The following ATP9B variants were observed in gnomAD, a reference collection of about 807,000 sequenced individuals.
ATP9B encodes probable phospholipid-transporting ATPase IIB.
Under a neutral mutation model 146.1 loss-of-function variants are expected in ATP9B, and 110 were observed. That is an observed-to-expected ratio of 0.75 (90% confidence interval 0.65 to 0.88). The LOEUF is 0.88. ATP9B is among the 40% of genes least tolerant of loss of function. The pLI, the probability that ATP9B is intolerant of heterozygous loss-of-function variation, is 0.00. For synonymous variants in ATP9B, 604 were observed against 569.7 expected (o/e 1.06, Z -0.86); for missense variants, 1,499 against 1,496.4 (o/e 1.00, Z -0.03).
chr18:79,250,447 T>G (rs1388640034), intron 11 of ATP9B, among the ~76,000 whole-genome samples: 2 of 150,888 alleles, frequency 1.3e-5, no homozygotes, highest in African/African-American at 4.8e-5. Context: ...TAATTGAGTC[T>G]TTTTTCCCTG....
chr18:79,190,531 CACACACACACACACATAT>C (rs1336982938), intron 8 of ATP9B, among the ~76,000 whole-genome samples: 12 of 139,180 alleles, frequency 8.6e-5, no homozygotes, highest in African/African-American at 1.6e-4. Context: ...CACACACACA[CACACACACACACACATAT>C]ACATATATTT....
intron 1 of ATP9B, among the ~76,000 whole-genome samples, chr18:79,095,448 C>T (rs546746755): frequency 3.9e-5 from 6 of 152,308 alleles, no homozygotes; most frequent in Admixed American, 6.5e-5. Flanking sequence ...CCAGACTGGA[C>T]TCTGGACCTG....
In ATP9B at chr18:79,118,084, C is replaced by G. The variant is rs1404718519; in HGVS notation, c.558+4730C>G. ...AGTGTTTCATTGTATAAATATACCA[C>G]AACTGATTCATCCCTTCCTTTGGGA... On this transcript the variant is annotated intron_variant, in intron 4 of 29. Coordinates refer to ENST00000426216, the MANE Select transcript of ATP9B (RefSeq NM_198531.5). Among the ~76,000 whole-genome samples, 3 of 152,138 alleles carry G rather than the reference C, an allele frequency of 2.0e-5. No homozygotes were observed. The East Asian group carries it at 5.8e-4, about 29-fold the overall frequency.
At chr18:79,228,720 CAAAGT>C (rs1300639177) in intron 11 of ATP9B, among the ~76,000 whole-genome samples, 1 of 152,112 alleles carries the variant, frequency 6.6e-6, no homozygotes, top group Non-Finnish European at 1.5e-5. Flanking sequence ...AAAGTAACCT[CAAAGT>C]TAATGAACAG....
intron 13 of ATP9B, among the ~76,000 whole-genome samples, chr18:79,290,936 G>A (rs545957748): frequency 1.5e-4 from 23 of 152,156 alleles, no homozygotes; most frequent in Non-Finnish European, 3.2e-4. Flanking sequence ...GCTCCCTTTT[G>A]TATGATGGTG....
At chr18:79,073,092 C>T (rs1056572438) in intron 1 of ATP9B, among the ~76,000 whole-genome samples, 2 of 151,670 alleles carry the variant, frequency 1.3e-5, no homozygotes, top group Admixed American at 6.5e-5. Flanking sequence ...GGAGACGCTC[C>T]TCACTTCCTA....
intron 2 of ATP9B, 21 bp from the exon 3 acceptor site, chr18:79,110,334 C>A (rs781294837): frequency 1.3e-6 from 2 of 1,542,120 alleles, no homozygotes; most frequent in Admixed American, 2.1e-5. Flanking sequence ...ATACACAATA[C>A]GTATCTTTTG....
intron 1 of ATP9B, among the ~76,000 whole-genome samples, chr18:79,084,446 A>G (rs1390892948): frequency 6.6e-6 from 1 of 152,196 alleles, no homozygotes; most frequent in Non-Finnish European, 1.5e-5. Flanking sequence ...TTCCCAAAAT[A>G]GAAATATTAG....
chr18:79,321,957 G>A (rs1210998108), intron 15 of ATP9B, among the ~76,000 whole-genome samples: 1 of 152,190 alleles, frequency 6.6e-6, no homozygotes, highest in African/African-American at 2.4e-5. Context: ...CCTCAGGAGC[G>A]TTGGCATAAT....
chr18:79,089,966 T>G (rs1599450725), intron 1 of ATP9B, among the ~76,000 whole-genome samples: 1 of 152,236 alleles, frequency 6.6e-6, no homozygotes, highest in Non-Finnish European at 1.5e-5. Flanking sequence ...TTCTACTCTC[T>G]GTCTCCATAA....
intron 19 of ATP9B, among the ~76,000 whole-genome samples, chr18:79,341,170 C>G (rs538794896): frequency 6.6e-6 from 1 of 150,774 alleles, no homozygotes; most frequent in Non-Finnish European, 1.5e-5. Flanking sequence ...GTGTTGCCGA[C>G]ACACCATTTA....
chr18:79,182,155 A>C (rs1283627912), intron 8 of ATP9B, among the ~76,000 whole-genome samples: 1 of 152,172 alleles, frequency 6.6e-6, no homozygotes, highest in Non-Finnish European at 1.5e-5. Context: ...CTGTTGCTAG[A>C]GCATGATCCT....
chr18:79,127,822 C>T (rs1236145349), intron 5 of ATP9B, among the ~76,000 whole-genome samples: 2 of 152,136 alleles, frequency 1.3e-5, no homozygotes, highest in Non-Finnish European at 1.5e-5. Flanking sequence ...TTTACATCCC[C>T]ACCAGCAATG....
At chr18:79,307,917 T>C (rs2096628113) in intron 15 of ATP9B, among the ~76,000 whole-genome samples, 1 of 152,206 alleles carries the variant, frequency 6.6e-6, no homozygotes, top group Admixed American at 6.5e-5. Context: ...ACAGAAGCAC[T>C]ATAAACCAAC....
At chr18:79,141,452 C>G (rs1176935628) in intron 5 of ATP9B, among the ~76,000 whole-genome samples, 1 of 152,136 alleles carries the variant, frequency 6.6e-6, no homozygotes, top group South Asian at 2.1e-4. Context: ...GCTGATAATA[C>G]ACGACTTACT....
intron 13 of ATP9B, among the ~76,000 whole-genome samples, chr18:79,294,584 A>G (rs1260053995): frequency 6.6e-6 from 1 of 152,260 alleles, no homozygotes; most frequent in African/African-American, 2.4e-5. Context: ...GCTGTAGAGT[A>G]AAAGAGGCTC....
chr18:79,256,286 T>TATATATATATATATATAC lies in ATP9B; in HGVS notation c.1268+2746_1268+2747insTATATATATATATATACA, dbSNP rs398033647. ...ATATATATATATATATATATATATATACATACATAGTGAGGCTATGTTATT... is the reference window on the plus strand; with the variant it reads ...ATATATATATATATATATATATATATATATATATATATATATACACATACATAGTGAGGCTATGTTATT... On this transcript the variant is annotated intron_variant, in intron 12 of 29. Coordinates refer to ENST00000426216, the MANE Select transcript of ATP9B (RefSeq NM_198531.5). Among the ~76,000 whole-genome samples the TATATATATATATATATAC allele has an allele frequency of 1.3e-3, 159 of 123,018 alleles. 5 individuals are homozygous for TATATATATATATATATAC. Among genetic ancestry groups the TATATATATATATATATAC allele is most frequent in the African/African-American group, 4.9e-3 (152 of 30,760 alleles). The allele number at this position is 123,018 out of a possible 152,430, so 80.7% of individuals were successfully genotyped here.
At chr18:79,220,465 G>A (rs1436391083) in intron 11 of ATP9B, among the ~76,000 whole-genome samples, 1 of 152,124 alleles carries the variant, frequency 6.6e-6, no homozygotes, top group Admixed American at 6.5e-5. Flanking sequence ...CCTGGGCGTG[G>A]TGGCATGTGC....
chr18:79,071,800 C>G (rs2071858847), intron 1 of ATP9B, among the ~76,000 whole-genome samples: 1 of 150,522 alleles, frequency 6.6e-6, no homozygotes, highest in South Asian at 2.1e-4. Context: ...TCTCTGGCTG[C>G]TTTCAAGTTT....
Sources: allele counts gnomAD v4.1 joint callset (sites outside exome capture counted in the v4.1 genomes callset), GRCh38; gene constraint gnomAD v4.1.1; transcripts MANE v1.5; gene names NCBI Gene and HGNC (gene_info 2026-07-23, HGNC 2026-07-21).